Variants in EYS observed in about 807,000 individuals in gnomAD.
EYS encodes EGF-like photoreceptor maintenance factor, also known as protein eyes shut homolog.
Under a neutral mutation model 282.1 loss-of-function variants are expected in EYS, and 250 were observed. That is an observed-to-expected ratio of 0.89 (90% CI 0.80 to 0.98). The LOEUF (loss-of-function observed/expected upper bound fraction) is 0.98. EYS is among the 50% of genes least tolerant of loss of function. EYS has a pLI of 0.00. For missense variants in EYS, 4,016 were observed against 3,709.0 expected, an observed-to-expected ratio of 1.08 and a Z score of -2.15; for synonymous variants, 1,355 against 1,282.9, an observed-to-expected ratio of 1.06 and a Z score of -1.20.
intron 31 of EYS, among the ~76,000 whole-genome samples, chr6:64,133,310 G>C (rs926958973): frequency 6.6e-6 from 1 of 151,836 alleles, no homozygotes; most frequent in Non-Finnish European, 1.5e-5. Flanking sequence ...CCTGAAGAAA[G>C]GTAGACGTTC....
At chr6:64,348,482 C>T (rs1181757405) in intron 29 of EYS, among the ~76,000 whole-genome samples, 2 of 150,966 alleles carry the variant, frequency 1.3e-5, no homozygotes. Flanking sequence ...GAGGAACTCT[C>T]TCTGAAATTG....
intron 16 of EYS, among the ~76,000 whole-genome samples, chr6:64,910,506 G>A (rs993743908): frequency 2.0e-5 from 3 of 152,026 alleles, no homozygotes; most frequent in African/African-American, 4.8e-5. Context: ...AAAAAATGAT[G>A]TGCATTTCAA....
At chr6:64,082,026 A>G (rs1267944327) in intron 31 of EYS, 24 bp from the exon 32 acceptor site, 2 of 1,452,204 alleles carry the variant, frequency 1.4e-6, no homozygotes, top group Non-Finnish European at 1.9e-6. Context: ...TGGTATTAAT[A>G]TGTTCTGATA....
intron 7 of EYS, among the ~76,000 whole-genome samples, chr6:65,393,752 G>A (rs1298678549): frequency 6.6e-6 from 1 of 151,906 alleles, no homozygotes; most frequent in Non-Finnish European, 1.5e-5. Flanking sequence ...AAGCTGACTT[G>A]GGGATGGGGG....
At chr6:64,660,093 A>G (rs1438649992) in intron 22 of EYS, among the ~76,000 whole-genome samples, 1 of 152,190 alleles carries the variant, frequency 6.6e-6, no homozygotes, top group South Asian at 2.1e-4. Flanking sequence ...TACACAAATC[A>G]ATAAACATAA....
intron 8 of EYS, among the ~76,000 whole-genome samples, chr6:65,376,649 G>A (rs1765376175): frequency 6.6e-6 from 1 of 152,090 alleles, no homozygotes. Flanking sequence ...GCAAAGACAT[G>A]TATAGGCTCA....
At chr6:65,347,696 T>G (rs1770453732) in intron 9 of EYS, among the ~76,000 whole-genome samples, 1 of 151,640 alleles carries the variant, frequency 6.6e-6, no homozygotes, top group Non-Finnish European at 1.5e-5. Flanking sequence ...TATCCATCAC[T>G]TCGAGCATTT....
intron 14 of EYS, among the ~76,000 whole-genome samples, chr6:64,989,659 T>C (rs1770992709): frequency 1.4e-5 from 2 of 144,606 alleles, no homozygotes; most frequent in Non-Finnish European, 3.0e-5. Context: ...AAAAATTATA[T>C]TATTTATTTT....
chr6:65,485,607 C>G (rs1329299059), intron 5 of EYS, among the ~76,000 whole-genome samples: 2 of 152,186 alleles, frequency 1.3e-5, no homozygotes, highest in Admixed American at 6.5e-5. Flanking sequence ...AAGTTTGGGA[C>G]CAGCCTGGCC....
At chr6:64,486,110 A>G (rs142618846) in intron 26 of EYS, among the ~76,000 whole-genome samples, 1 of 151,580 alleles carries the variant, frequency 6.6e-6, no homozygotes, top group Non-Finnish European at 1.5e-5. Context: ...TTCTGTGAAT[A>G]CAGGGTTTGT....
chr6:64,192,211 T>C (rs1233737591), intron 31 of EYS, among the ~76,000 whole-genome samples: 2 of 150,280 alleles, frequency 1.3e-5, no homozygotes, highest in African/African-American at 4.9e-5. Flanking sequence ...TTGAGATCAT[T>C]GTAGATTCTG....
At chr6:64,462,741 G>A (rs1022286125) in intron 26 of EYS, among the ~76,000 whole-genome samples, 1 of 151,574 alleles carries the variant, frequency 6.6e-6, no homozygotes, top group African/African-American at 2.4e-5. Flanking sequence ...TATTCTAGTG[G>A]GTTGCTAGCC....
chr6:65,349,572 T>C (rs1338160134), intron 9 of EYS, among the ~76,000 whole-genome samples: 1 of 151,532 alleles, frequency 6.6e-6, no homozygotes, highest in Non-Finnish European at 1.5e-5. Context: ...ATGTATGATA[T>C]ACAACATGAT....
At chr6:63,740,250 T>C (rs1397495140) in intron 41 of EYS, among the ~76,000 whole-genome samples, 1 of 152,148 alleles carries the variant, frequency 6.6e-6, no homozygotes. Flanking sequence ...GGCAGGTCTT[T>C]CCTGTGCTGT....
chr6:64,522,727 G>T (rs972683546), intron 26 of EYS, among the ~76,000 whole-genome samples: 1 of 151,584 alleles, frequency 6.6e-6, no homozygotes, highest in Non-Finnish European at 1.5e-5. Context: ...ACATATTCAG[G>T]TCTTTTTGTT....
intron 20 of EYS, 140 bp downstream of exon 20, chr6:64,822,511 G>A: frequency 5.8e-6 from 4 of 684,540 alleles, no homozygotes; most frequent in Non-Finnish European, 9.4e-6. Flanking sequence ...GGCAGCATCT[G>A]TCATCTTAAA....
At chr6:65,446,952 A>G (rs1458902073) in intron 5 of EYS, among the ~76,000 whole-genome samples, 3 of 151,808 alleles carry the variant, frequency 2.0e-5, no homozygotes, top group Non-Finnish European at 4.4e-5. Flanking sequence ...TTCATATAAT[A>G]TTAGTTATCA....
intron 12 of EYS, among the ~76,000 whole-genome samples, chr6:65,086,311 A>G (rs1774371536): frequency 1.3e-5 from 2 of 151,568 alleles, no homozygotes; most frequent in Non-Finnish European, 2.9e-5. Context: ...GTGAGACTCC[A>G]TCTCAAAAAA....
At chr6:64,307,411 C>T (rs935375905) in intron 29 of EYS, among the ~76,000 whole-genome samples, 1 of 151,990 alleles carries the variant, frequency 6.6e-6, no homozygotes, top group Non-Finnish European at 1.5e-5. Context: ...CTGGATGAAA[C>T]TGAAAGATAT....
Sources: allele counts gnomAD v4.1 joint callset (sites outside exome capture counted in the v4.1 genomes callset), GRCh38; gene constraint gnomAD v4.1.1; transcripts MANE v1.5; gene names NCBI Gene and HGNC (gene_info 2026-07-23, HGNC 2026-07-21).